SMAD2: variants seen among roughly 807,000 people sequenced by gnomAD.
SMAD2 encodes MAD homolog 2.
SMAD2 carries 8 observed loss-of-function variants against 64.4 expected under a neutral mutation model. That is an observed-to-expected ratio of 0.12 (90% confidence interval 0.07 to 0.22). SMAD2 has a LOEUF of 0.22. Ranked by LOEUF, SMAD2 falls within the 10% of genes least tolerant of loss-of-function variation. The pLI, the probability that SMAD2 is intolerant of heterozygous loss-of-function variation, is 1.00. For missense variants in SMAD2, 289 were observed against 561.2 expected (o/e 0.51, Z 4.90); for synonymous variants, 203 against 195.8 (o/e 1.04, Z -0.31).
chr18:47,864,870 G>A (rs1268923232), intron 6 of SMAD2, among the ~76,000 whole-genome samples, 189 bp downstream of exon 6: 1 of 152,114 alleles, frequency 6.6e-6, no homozygotes, highest in Non-Finnish European at 1.5e-5. Flanking sequence ...AGTAGCATAC[G>A]TTATAATTTT....
In SMAD2 at chr18:47,819,424, G is replaced by A. The variant is rs892572750; in HGVS notation, c.*22403C>T. 6.6e-6 allele frequency: 1 copy of A among 152,136 alleles called. No homozygotes were observed. Among genetic ancestry groups the A allele is most frequent in the Non-Finnish European group, 1.5e-5 (1 of 68,038 alleles). 9.4% of individuals were successfully genotyped at this position (152,136 alleles called of 1,614,324 possible). Reference sequence around the variant, plus strand: ...TTAATTGAACACATGATACTCACAGGTAATAAAAATGGTTAACAGGAAAAT... The same window carrying A: ...TTAATTGAACACATGATACTCACAGATAATAAAAATGGTTAACAGGAAAAT... On this transcript the variant is annotated 3_prime_UTR_variant, in exon 11 of 11. Coordinates refer to ENST00000262160, the MANE Select transcript of SMAD2 (RefSeq NM_005901.6).
intron 4 of SMAD2, among the ~76,000 whole-genome samples, chr18:47,868,719 A>G (rs1174093680): frequency 6.6e-6 from 1 of 152,174 alleles, no homozygotes; most frequent in South Asian, 2.1e-4. Flanking sequence ...TATTACCATA[A>G]AAGTTCATAA....
chr18:47,877,949 G>T lies in SMAD2; in HGVS notation c.237-7385C>A, dbSNP rs1235122479. Among the ~76,000 whole-genome samples, 9 of 152,130 alleles carry T rather than the reference G, an allele frequency of 5.9e-5. 1 individual carries two copies. Among genetic ancestry groups the T allele is most frequent in the Admixed American group, 5.9e-4 (9 of 15,274 alleles). On this transcript the variant is annotated intron_variant, in intron 2 of 10. Transcript: ENST00000262160. ...CATAATTGGGCAGTAATTAAATCTG[G>T]AGACAGTTTAACAGGGTCCTTAACT...
At chr18:47,926,265 G>A (rs2034757862) in intron 1 of SMAD2, among the ~76,000 whole-genome samples, 1 of 152,156 alleles carries the variant, frequency 6.6e-6, no homozygotes, top group South Asian at 2.1e-4. Context: ...TAATCATCCT[G>A]AGTGACAATC....
intron 10 of SMAD2, among the ~76,000 whole-genome samples, chr18:47,844,553 A>C (rs1224248893): frequency 6.6e-6 from 1 of 152,214 alleles, no homozygotes; most frequent in Non-Finnish European, 1.5e-5. Context: ...TGTAAAACTT[A>C]AACATAATTG....
intron 1 of SMAD2, among the ~76,000 whole-genome samples, chr18:47,901,363 G>A (rs369818520): frequency 9.2e-5 from 14 of 151,872 alleles, no homozygotes; most frequent in African/African-American, 2.7e-4. Flanking sequence ...ATACCTTTTC[G>A]CATCATTTTC....
chr18:47,909,563 G>C (rs1469908324), intron 1 of SMAD2, among the ~76,000 whole-genome samples: 1 of 152,158 alleles, frequency 6.6e-6, no homozygotes, highest in Non-Finnish European at 1.5e-5. Context: ...ATCTGAGGTA[G>C]GAAAGGACAG....
At chr18:47,847,773 CATT>C (rs953712553) in intron 8 of SMAD2, among the ~76,000 whole-genome samples, 3 of 150,804 alleles carry the variant, frequency 2.0e-5, no homozygotes, top group Non-Finnish European at 4.4e-5. Context: ...ATTGGAGTCT[CATT>C]ATCAAATCTA....
At chr18:47,849,787 C>T (rs1302917402) in intron 7 of SMAD2, among the ~76,000 whole-genome samples, 3 of 151,942 alleles carry the variant, frequency 2.0e-5, no homozygotes, top group African/African-American at 7.2e-5. Context: ...GTGGGTGATT[C>T]GTTTGAGGCC....
intron 6 of SMAD2, among the ~76,000 whole-genome samples, chr18:47,862,946 A>T (rs1352864833): frequency 2.0e-5 from 3 of 152,142 alleles, no homozygotes; most frequent in African/African-American, 4.8e-5. Flanking sequence ...TCTAATATCC[A>T]CTATAAAGGA....
rs188353065 is a variant in SMAD2, at chr18:47,854,078, T to A, written c.731-2751A>T. The stretch of plus-strand genomic sequence containing the variant: ...AAACTTAAAATAAGCTAACAATTAA[T>A]AGAAGCCTTTAAAAAAAAAAAAACC... On this transcript the variant is annotated intron_variant, in intron 6 of 10. Coordinates refer to ENST00000262160, the MANE Select transcript of SMAD2 (RefSeq NM_005901.6). 2.8e-3 allele frequency among the ~76,000 whole-genome samples: 388 copies of A among 138,890 alleles called. 1 individual carries two copies. Among genetic ancestry groups the A allele is most frequent in the Non-Finnish European group, 4.6e-3 (300 of 65,770 alleles). 91.1% of individuals were successfully genotyped at this position (138,890 alleles called of 152,430 possible).
chr18:47,845,576 G>A (rs563096919), intron 9 of SMAD2, 87 bp downstream of exon 9: 27 of 1,560,412 alleles, frequency 1.7e-5, no homozygotes, highest in Non-Finnish European at 2.3e-5. Context: ...ATATGAGCAT[G>A]CAATCATCTA....
Position 47,870,431 on chromosome 18 carries a change from CT to C in SMAD2, c.326+43del, listed in dbSNP as rs573899040. ...TATAGGTCTTTCAAAATATACCCCC[CT>C]CCCACAAGATCTCTAAGATTCGACA... On this transcript the variant is annotated intron_variant, in intron 3 of 10. Coordinates refer to ENST00000262160, the MANE Select transcript of SMAD2 (RefSeq NM_005901.6). The C allele has an allele frequency of 4.6e-5, 65 of 1,416,586 alleles. No individual in the cohort carries two copies. The African/African-American group carries it at 7.2e-4, about 16-fold the overall frequency. 87.8% of individuals were successfully genotyped at this position (1,416,586 alleles called of 1,614,324 possible).
At chr18:47,875,219 C>T (rs895501525) in intron 2 of SMAD2, among the ~76,000 whole-genome samples, 7 of 152,064 alleles carry the variant, frequency 4.6e-5, no homozygotes, top group African/African-American at 1.4e-4. Context: ...GTCTAACAAA[C>T]GAGGTCAATT....
In SMAD2 at chr18:47,869,264, A is replaced by G. The variant is rs2144377679; in HGVS notation, c.499T>C (p.Tyr167His). The G allele has an allele frequency of 6.2e-7, 1 of 1,613,554 alleles. No individual in the cohort carries two copies. Among genetic ancestry groups the G allele is most frequent in the South Asian group, 1.1e-5 (1 of 91,064 alleles). ...CTACCTGGTGTCTCAACTCTCTGAT[A>G]GTGGTAAGGGTTTACACATACTTCA... ...KDEVCVNPYH[Y>H]QRVETPVLPP... The change falls in exon 4 of 11, where the codon TAT (tyrosine) becomes CAT (histidine). Residue 167 changes from tyrosine (Y) to histidine (H), a missense_variant. By Grantham distance (83) the Tyr-to-His change is moderately conservative. Transcript: ENST00000262160.
At chr18:47,888,232 A>G (rs1235987312) in intron 2 of SMAD2, among the ~76,000 whole-genome samples, 1 of 151,964 alleles carries the variant, frequency 6.6e-6, no homozygotes, top group East Asian at 1.9e-4. Flanking sequence ...GACAATGGAG[A>G]GCTATCAAAC....
In SMAD2 at chr18:47,817,116, G is replaced by C. The variant is rs1251459816; in HGVS notation, c.*24711C>G. 1.3e-5 allele frequency: 2 copies of C among 152,158 alleles called. No individual in the cohort carries two copies. Among genetic ancestry groups the C allele is most frequent in the Non-Finnish European group, 2.9e-5 (2 of 68,042 alleles). The allele number at this position is 152,158 out of a possible 1,614,324, so 9.4% of individuals were successfully genotyped here. On this transcript the variant is annotated 3_prime_UTR_variant, in exon 11 of 11. Coordinates refer to ENST00000262160, the MANE Select transcript of SMAD2 (RefSeq NM_005901.6). ...TATTCCCAAATAGAGTTTTCTTTTA[G>C]AGAGCCTCTCTCTGTGTTGACATAA...
chr18:47,829,449 G>C lies in SMAD2; in HGVS notation c.*12378C>G, dbSNP rs988863669. ...ATGGTCACATACAAATGGGGAAAGA[G>C]TGGATATAAAAAATATGCACCCACC... On this transcript the variant is annotated 3_prime_UTR_variant, in exon 11 of 11. Coordinates refer to ENST00000262160, the MANE Select transcript of SMAD2 (RefSeq NM_005901.6). The C allele has an allele frequency of 6.6e-6, 1 of 150,422 alleles. No homozygotes were observed. The highest frequency in any genetic ancestry group is 2.4e-5 in the African/African-American group (1 of 41,112). 9.3% of individuals were successfully genotyped at this position (150,422 alleles called of 1,614,324 possible).
Position 47,833,935 on chromosome 18 carries a change from T to C in SMAD2, c.*7892A>G, listed in dbSNP as rs754412761. 6 of 225,202 alleles carry C rather than the reference T, an allele frequency of 2.7e-5. No homozygotes were observed. Among genetic ancestry groups the C allele is most frequent in the Non-Finnish European group, 5.3e-5 (6 of 113,350 alleles). The allele number at this position is 225,202 out of a possible 1,614,324, so 14.0% of individuals were successfully genotyped here. ...AGGACGCATGATTTGTACTTACATATACACATAGGTTCAGAAGAACTTAGC... is the reference window on the plus strand; with the variant it reads ...AGGACGCATGATTTGTACTTACATACACACATAGGTTCAGAAGAACTTAGC... On this transcript the variant is annotated 3_prime_UTR_variant, in exon 11 of 11. Transcript: ENST00000262160.
Sources: allele counts gnomAD v4.1 joint callset (sites outside exome capture counted in the v4.1 genomes callset), GRCh38; gene constraint gnomAD v4.1.1; transcripts MANE v1.5; gene names NCBI Gene and HGNC (gene_info 2026-07-23, HGNC 2026-07-21).